The following C2CD2L variants were observed in gnomAD, a reference collection of about 807,000 sequenced individuals.
The protein encoded by C2CD2L is phospholipid transfer protein C2CD2L.
C2CD2L carries 24 observed loss-of-function variants against 69.9 expected under a neutral mutation model. The ratio of observed to expected loss-of-function variants is 0.34; its 90% CI spans 0.25 to 0.48. The LOEUF is 0.48. Among genes scored for constraint, C2CD2L ranks in the 20% least tolerant of loss-of-function variants. The probability of loss-of-function intolerance (pLI) is 0.99; values close to 1 mark genes in which losing one functional copy is unlikely to be tolerated. For synonymous variants in C2CD2L, 367 were observed against 391.0 expected (o/e 0.94, Z 0.72); for missense variants, 811 against 941.5 (o/e 0.86, Z 1.81).
At chr11:119,113,395 A>G (rs1313582173) in intron 10 of C2CD2L, 3 of 606,138 alleles carry the variant, frequency 4.9e-6, no homozygotes, top group Middle Eastern at 9.2e-4. Flanking sequence ...ATCTCCCCAC[A>G]CCTTCAGCAG....
Position 119,116,317 on chromosome 11 carries a change from C to G in C2CD2L, c.*61C>G. The G allele has an allele frequency of 2.2e-6, 3 of 1,347,962 alleles. No individual in the cohort carries two copies. Among genetic ancestry groups the G allele is most frequent in the East Asian group, 4.6e-5 (2 of 43,168 alleles). The allele number at this position is 1,347,962 out of a possible 1,614,324, so 83.5% of individuals were successfully genotyped here. On this transcript the variant is annotated 3_prime_UTR_variant, in exon 14 of 14. Coordinates refer to ENST00000648610, the MANE Select transcript of C2CD2L (RefSeq NM_001290474.2). The stretch of plus-strand genomic sequence containing the variant: ...CCATTCCCCACCTCCCCTTCCATAC[C>G]CCTTCCTGGATCTCCAGTGCCTGGG...
rs11603901 is a variant in C2CD2L, at chr11:119,107,601, G to A, written c.-141G>A. 3,517 of 470,528 alleles carry A rather than the reference G, an allele frequency of 7.5e-3. 31 individuals are homozygous for A. Among genetic ancestry groups the A allele is most frequent in the Non-Finnish European group, 9.9e-3 (2,726 of 275,552 alleles). The allele number at this position is 470,528 out of a possible 1,614,324, so 29.1% of individuals were successfully genotyped here. A position where few individuals can be genotyped will look rare whatever the true frequency, so the allele number is the denominator to read the frequency against. On this transcript the variant is annotated 5_prime_UTR_variant, in exon 1 of 14. Coordinates refer to ENST00000648610, the MANE Select transcript of C2CD2L (RefSeq NM_001290474.2). The surrounding 1 kb of genome is among the most constrained non-coding windows in gnomAD (Gnocchi z 5.4). ...GCCCTGTGGCACCCACTAGTCCTGG[G>A]CACTCAGCCGCGGAGAGCCCCCGAC...
chr11:119,113,597 C>G lies in C2CD2L; in HGVS notation c.1388-14C>G, dbSNP rs1386054430. ...AAGCAACTCCCAGCTCACTGACCCTCCCCCACCCACCAGACTCCCCCTCCC... is the reference window on the plus strand; with the variant it reads ...AAGCAACTCCCAGCTCACTGACCCTGCCCCACCCACCAGACTCCCCCTCCC... On this transcript the variant is annotated splice_polypyrimidine_tract_variant and intron_variant, in intron 10 of 13. Coordinates refer to ENST00000648610, the MANE Select transcript of C2CD2L (RefSeq NM_001290474.2). 12 of 1,605,832 alleles carry G rather than the reference C, an allele frequency of 7.5e-6. No individual in the cohort carries two copies. Among genetic ancestry groups the G allele is most frequent in the Non-Finnish European group, 9.4e-6 (11 of 1,175,238 alleles).
chr11:119,108,132 CT>C, intron 1 of C2CD2L, 37 bp downstream of exon 1: 1 of 1,445,180 alleles, frequency 6.9e-7, no homozygotes, highest in Admixed American at 2.0e-5. Flanking sequence ...TCCCTTCAGC[CT>C]TTCCTTCCAG....
rs977592498 is a variant in C2CD2L, at chr11:119,109,286, A to G, written c.355-818A>G. 6.6e-6 allele frequency among the ~76,000 whole-genome samples: 1 copy of G among 152,232 alleles called. No individual in the cohort carries two copies. The highest frequency in any genetic ancestry group is 1.5e-5 in the Non-Finnish European group (1 of 68,036). ...TTTCCTCCATCTCAAGACCCAAGGA[A>G]GAGTTGCCAGCCAATTCTGTGCCCC... On this transcript the variant is annotated intron_variant, in intron 1 of 13. Coordinates refer to ENST00000648610, the MANE Select transcript of C2CD2L (RefSeq NM_001290474.2). This position sits in a 1 kb window ranked among gnomAD's most constrained non-coding sequence, Gnocchi z 5.1.
In C2CD2L at chr11:119,113,707, GC is replaced by G; in HGVS notation, c.1485del (p.Ser495ArgfsTer14). On this transcript the variant is annotated frameshift_variant, in exon 11 of 14. Coordinates refer to ENST00000648610, the MANE Select transcript of C2CD2L (RefSeq NM_001290474.2). LOFTEE classifies it high-confidence loss of function. ...SSGPSNTSHS[S>X]SRDSHLSNGL... ...GGCCCCAGCAATACCTCCCATAGCA[GC>G]AGCCGTGAGTGGGGAATGGGGTGCA... 1 of 1,614,082 alleles carries G rather than the reference GC, an allele frequency of 6.2e-7. No homozygotes were observed.
upstream of C2CD2L, among the ~76,000 whole-genome samples, chr11:119,104,756 C>T (rs1946553362): frequency 6.6e-6 from 1 of 152,218 alleles, no homozygotes; most frequent in Non-Finnish European, 1.5e-5. Context: ...ATGAGCAAGG[C>T]CAATCCACTG....
Position 119,110,183 on chromosome 11 carries a change from A to C in C2CD2L, c.434A>C (p.Gln145Pro), listed in dbSNP as rs1355935948. The C allele has an allele frequency of 6.2e-7, 1 of 1,613,116 alleles. No homozygotes were observed. The highest frequency in any genetic ancestry group is 8.5e-7 in the Non-Finnish European group (1 of 1,179,084). ...ASISHVTCVDQSEHTMVLRCQ... is the reference protein window; with the variant it reads ...ASISHVTCVDPSEHTMVLRCQ... ...ATCAGTCATGTGACCTGCGTAGACC[A>C]ATCTGAGCATACCATGGTAAGGGTC... The change falls in exon 2 of 14, where the codon CAA (glutamine) becomes CCA (proline). Residue 145 changes from glutamine to proline, a missense_variant. Physicochemically the swap from Gln to Pro is moderately conservative, Grantham distance 76. Transcript: ENST00000648610. The surrounding 1 kb of genome is among the most constrained non-coding windows in gnomAD (Gnocchi z 5.7).
At chr11:119,103,640 T>C (rs1946544224), upstream of C2CD2L, among the ~76,000 whole-genome samples, 1 of 152,058 alleles carries the variant, frequency 6.6e-6, no homozygotes, top group Admixed American at 6.5e-5. Flanking sequence ...GAGGTTGCAG[T>C]GAGCCGCGAT....
rs913904396 is a variant in C2CD2L at position 119,112,365 on chromosome 11, G to A, written c.1057G>A (p.Val353Met). The part of the protein sequence containing the change: ...GPQSRELTLK[V>M]LRSSSCGDTE... ...CCAGAGCCGGGAGCTGACCCTCAAA[G>A]TGCTGAGGAGCAGCAGCTGTGGAGA... is the stretch of plus-strand genomic sequence containing the variant. Residue 353 changes from valine to methionine, a missense_variant, in exon 8 of 14, where the codon GTG becomes ATG. Coordinates refer to ENST00000648610, the MANE Select transcript of C2CD2L (RefSeq NM_001290474.2). 6.2e-7 allele frequency: 1 copy of A among 1,613,488 alleles called. No individual in the cohort carries two copies. Among genetic ancestry groups the A allele is most frequent in the African/African-American group, 1.3e-5 (1 of 74,886 alleles).
chr11:119,114,372 G>A lies in C2CD2L; in HGVS notation c.1909+7G>A, dbSNP rs758397987. ...AGCCTCAAGGATCACAAAGGTAGGG[G>A]GACGTTGGCAGGGTGCCCCTCATCT... On this transcript the variant is annotated splice_region_variant and intron_variant, in intron 13 of 13. Coordinates refer to ENST00000648610, the MANE Select transcript of C2CD2L (RefSeq NM_001290474.2). This position sits in a 1 kb window ranked among gnomAD's most constrained non-coding sequence, Gnocchi z 5.1. 6.2e-7 allele frequency: 1 copy of A among 1,613,568 alleles called. No homozygotes were observed. Among genetic ancestry groups the A allele is most frequent in the South Asian group, 1.1e-5 (1 of 91,076 alleles).
In C2CD2L at chr11:119,116,276, C is replaced by T; in HGVS notation, c.*20C>T. The T allele has an allele frequency of 6.3e-7, 1 of 1,576,234 alleles. No individual in the cohort carries two copies. The highest frequency in any genetic ancestry group is 8.7e-7 in the Non-Finnish European group (1 of 1,145,884). On this transcript the variant is annotated 3_prime_UTR_variant, in exon 14 of 14. Coordinates refer to ENST00000648610, the MANE Select transcript of C2CD2L (RefSeq NM_001290474.2). Reference sequence around the variant, plus strand: ...CTCTGAGGACCCAGCTCTGAAAGGGCACGAGTTCTCTCAGCCCATTCCCCA... The same window carrying T: ...CTCTGAGGACCCAGCTCTGAAAGGGTACGAGTTCTCTCAGCCCATTCCCCA...
rs945782760 is a variant in C2CD2L at position 119,113,907 on chromosome 11, C to T, written c.1542C>T (p.Arg514=). 4 of 1,614,202 alleles carry T rather than the reference C, an allele frequency of 2.5e-6. No homozygotes were observed. The highest frequency in any genetic ancestry group is 3.4e-6 in the Non-Finnish European group (4 of 1,180,036). Residue 514 remains arginine (R), a synonymous_variant, in exon 12 of 14, where the codon CGC becomes CGT. Transcript: ENST00000648610. ...GLDPVAETAI[R]QLTEPSGRVA... is the part of the protein sequence containing the mutation. ...ACCCTGTAGCAGAGACAGCGATTCG[C>T]CAGCTGACAGAGCCCAGTGGGCGGG...
intron 1 of C2CD2L, 119 bp downstream of exon 1, chr11:119,108,214 T>A: frequency 1.6e-6 from 1 of 615,572 alleles, no homozygotes; most frequent in East Asian, 3.3e-5. Context: ...CTATGGCTTC[T>A]CTTCCCCTCC....
intron 1 of C2CD2L, among the ~76,000 whole-genome samples, chr11:119,108,524 CTGAATCA>C (rs1946651338): frequency 6.6e-6 from 1 of 152,126 alleles, no homozygotes; most frequent in African/African-American, 2.4e-5. Context: ...CCCAAGGAGC[CTGAATCA>C]CCCCCCTACC....
intron 7 of C2CD2L, chr11:119,111,838 C>G (rs1449533758): frequency 3.6e-6 from 2 of 553,850 alleles, no homozygotes; most frequent in Non-Finnish European, 6.4e-6. Flanking sequence ...GAGGCAGAGA[C>G]AGGTGTACAT....
At chr11:119,111,833 A>G in intron 7 of C2CD2L, 1 of 554,776 alleles carries the variant, frequency 1.8e-6, no homozygotes. Context: ...AGCTTGAGGC[A>G]GAGACAGGTG....
At position 119,114,187 on chromosome 11, in the gene C2CD2L, C is replaced by T; in HGVS notation, c.1731C>T (p.Pro577=). 2 of 1,614,174 alleles carry T rather than the reference C, an allele frequency of 1.2e-6. No homozygotes were observed. The highest frequency in any genetic ancestry group is 8.5e-7 in the Non-Finnish European group (1 of 1,180,038). The change falls in exon 13 of 14, where the codon CCC becomes CCT. Residue 577 remains proline (P), a synonymous_variant. Transcript: ENST00000648610. This position sits in a 1 kb window ranked among gnomAD's most constrained non-coding sequence, Gnocchi z 5.1. ...CCAGCGGAGGCCCCTCTTCACCTCC[C>T]TCAGACCCACCAGCCATGTCTCCAG... is the stretch of plus-strand genomic sequence containing the variant. ...AGTSGGPSSP[P]SDPPAMSPGP...
In C2CD2L at chr11:119,112,569, C is replaced by G. The variant is rs199820148; in HGVS notation, c.1172C>G (p.Pro391Arg). Residue 391 changes from proline (P) to arginine (R), a missense_variant, in exon 9 of 14, where the codon CCA becomes CGA. By Grantham distance (103) the Pro-to-Arg change is moderately radical. Coordinates refer to ENST00000648610, the MANE Select transcript of C2CD2L (RefSeq NM_001290474.2). The stretch of plus-strand genomic sequence containing the variant: ...CAGTTGTGCCCACTCACCCCAGGGC[C>G]AGGGAAAGCCCTGGGACCAGCAGCC... ...RRQLCPLTPG[P>R]GKALGPAATM... The G allele has an allele frequency of 8.6e-5, 138 of 1,612,466 alleles. No individual in the cohort carries two copies. Among genetic ancestry groups the G allele is most frequent in the Non-Finnish European group, 1.1e-4 (133 of 1,179,624 alleles).
Sources: gnomAD v4.1 joint callset for allele counts (sites outside exome capture counted in the v4.1 genomes callset) on GRCh38, gnomAD v4.1.1 for gene constraint, Gnocchi (gnomAD v3.1) non-coding constraint, MANE v1.5 for transcripts, NCBI Gene and HGNC (gene_info 2026-07-23, HGNC 2026-07-21) for gene names.